Variants in GLCCI1 observed in about 807,000 individuals in gnomAD.
The protein encoded by GLCCI1 is glucocorticoid-induced transcript 1 protein.
Under a neutral mutation model 52.2 loss-of-function variants are expected in GLCCI1, and 24 were observed. That is an observed-to-expected ratio of 0.46 (90% CI 0.33 to 0.65). The LOEUF (loss-of-function observed/expected upper bound fraction) is 0.65, where lower values mean the gene tolerates loss of function less well. Ranked by LOEUF, GLCCI1 falls within the 30% of genes least tolerant of loss-of-function variation. The pLI is 0.02. For synonymous variants in GLCCI1, 310 were observed against 276.5 expected (o/e 1.12, Z -1.20); for missense variants, 704 against 701.5 (o/e 1.00, Z -0.04).
In GLCCI1 at chr7:8,086,121, C is replaced by T; in HGVS notation, c.1299-72C>T. 3 of 1,293,390 alleles carry T rather than the reference C, an allele frequency of 2.3e-6. No individual in the cohort carries two copies. The highest frequency in any genetic ancestry group is 2.1e-6 in the Non-Finnish European group (2 of 931,706). 80.1% of individuals were successfully genotyped at this position (1,293,390 alleles called of 1,614,324 possible). ...ACATTTTAGCTGTTTTAGAGAACTCCAGTTAATTCAGAAAATGCTTAACTT... is the reference window on the plus strand; with the variant it reads ...ACATTTTAGCTGTTTTAGAGAACTCTAGTTAATTCAGAAAATGCTTAACTT... On this transcript the variant is annotated intron_variant, in intron 7 of 7. Transcript: ENST00000223145. This position sits in a 1 kb window ranked among gnomAD's most constrained non-coding sequence, Gnocchi z 4.4.
intron 3 of GLCCI1, among the ~76,000 whole-genome samples, chr7:8,031,019 C>T (rs1583985622): frequency 6.6e-6 from 1 of 152,014 alleles, no homozygotes; most frequent in Non-Finnish European, 1.5e-5. Flanking sequence ...CCATATGATC[C>T]AGCAATCCTA....
intron 1 of GLCCI1, among the ~76,000 whole-genome samples, chr7:7,986,580 A>G (rs1780737803): frequency 6.6e-6 from 1 of 152,236 alleles, no homozygotes; most frequent in African/African-American, 2.4e-5. Flanking sequence ...TACTGAGAAT[A>G]AAACTAATAA....
chr7:7,988,465 A>G (rs187364199), intron 1 of GLCCI1, among the ~76,000 whole-genome samples: 91 of 152,286 alleles, frequency 6.0e-4, no homozygotes, highest in African/African-American at 2.1e-3. Context: ...AGCCTATTCA[A>G]AGAGGTCACA....
chr7:8,082,813 G>A (rs1213842819), intron 6 of GLCCI1, among the ~76,000 whole-genome samples: 1 of 152,180 alleles, frequency 6.6e-6, no homozygotes, highest in East Asian at 1.9e-4. Context: ...AATCAGTTTT[G>A]CAGATAGATT....
At chr7:8,078,818 C>G (rs1426098412) in intron 6 of GLCCI1, 2 of 152,064 alleles carry the variant, frequency 1.3e-5, no homozygotes, top group African/African-American at 2.4e-5. Context: ...GATGTGGAAA[C>G]GATTACCATC....
chr7:8,056,337 T>C (rs772838771), intron 4 of GLCCI1, among the ~76,000 whole-genome samples: 38 of 152,096 alleles, frequency 2.5e-4, no homozygotes, highest in Non-Finnish European at 4.9e-4. Context: ...AAACAGAGGA[T>C]GGTGGTGTCA....
chr7:8,039,717 C>T (rs1781953531), intron 3 of GLCCI1, among the ~76,000 whole-genome samples: 1 of 152,184 alleles, frequency 6.6e-6, no homozygotes, highest in Non-Finnish European at 1.5e-5. Flanking sequence ...CAGACTTCAG[C>T]CGGGCGCAGT....
At chr7:8,024,540 G>A (rs184997196) in intron 3 of GLCCI1, among the ~76,000 whole-genome samples, 3 of 152,206 alleles carry the variant, frequency 2.0e-5, no homozygotes, top group South Asian at 2.1e-4. Flanking sequence ...ATTTGAATCC[G>A]TAGGAAGAAT....
chr7:8,059,246 AT>A (rs1782464538), intron 4 of GLCCI1, among the ~76,000 whole-genome samples: 1 of 152,210 alleles, frequency 6.6e-6, no homozygotes, highest in South Asian at 2.1e-4. Context: ...TCATGCATCA[AT>A]AAGAGACAAA....
At chr7:8,036,182 T>C (rs1319466840) in intron 3 of GLCCI1, among the ~76,000 whole-genome samples, 1 of 152,174 alleles carries the variant, frequency 6.6e-6, no homozygotes, top group Admixed American at 6.5e-5. Context: ...GGGAATGAGA[T>C]AAACTTCCTG....
At chr7:7,979,666 G>A (rs1180900060) in intron 1 of GLCCI1, among the ~76,000 whole-genome samples, 2 of 152,136 alleles carry the variant, frequency 1.3e-5, no homozygotes, top group Non-Finnish European at 2.9e-5. Context: ...ATACATTAGT[G>A]CAGAAGTCTG....
At chr7:8,063,161 G>A (rs967048026) in intron 5 of GLCCI1, among the ~76,000 whole-genome samples, 32 of 151,832 alleles carry the variant, frequency 2.1e-4, no homozygotes, top group Non-Finnish European at 3.4e-4. Flanking sequence ...TTTTGTTAAC[G>A]GAGTCTCGCT....
chr7:7,984,964 A>T (rs888249236), intron 1 of GLCCI1, among the ~76,000 whole-genome samples: 11 of 152,326 alleles, frequency 7.2e-5, no homozygotes, highest in African/African-American at 1.2e-4. Context: ...GTCCTTATTT[A>T]AAAAAGTATT....
At chr7:8,085,753 A>AC (rs1472149731) in intron 7 of GLCCI1, among the ~76,000 whole-genome samples, 7 of 151,762 alleles carry the variant, frequency 4.6e-5, no homozygotes, top group African/African-American at 1.5e-4. Context: ...TCCCCACTCC[A>AC]CCCCCCATCT....
At chr7:8,029,376 A>G (rs1423958126) in intron 3 of GLCCI1, among the ~76,000 whole-genome samples, 5 of 152,186 alleles carry the variant, frequency 3.3e-5, no homozygotes, top group Non-Finnish European at 7.4e-5. Context: ...TGCTGAAAAA[A>G]CATTTGATAA....
chr7:8,065,671 C>T (rs767615332), intron 5 of GLCCI1, among the ~76,000 whole-genome samples: 13 of 151,900 alleles, frequency 8.6e-5, no homozygotes, highest in Admixed American at 6.6e-4. Flanking sequence ...ATGTGGTTTC[C>T]GTTTTTAGTT....
intron 3 of GLCCI1, among the ~76,000 whole-genome samples, chr7:8,031,642 A>G (rs151287142): frequency 1.6e-4 from 24 of 152,272 alleles, no homozygotes; most frequent in African/African-American, 5.3e-4. Flanking sequence ...GCCTGTGCCA[A>G]AATATCTCAT....
intron 3 of GLCCI1, among the ~76,000 whole-genome samples, chr7:8,045,362 AG>A (rs1358598961): frequency 6.6e-6 from 1 of 152,212 alleles, no homozygotes; most frequent in East Asian, 1.9e-4. Context: ...CAGAGTACCC[AG>A]AAAAAAGCCA....
At chr7:8,014,130 C>T (rs1372071037) in intron 2 of GLCCI1, among the ~76,000 whole-genome samples, 4 of 152,058 alleles carry the variant, frequency 2.6e-5, no homozygotes, top group African/African-American at 9.7e-5. Flanking sequence ...GCTGGAATTA[C>T]AGGCGCCCGC....
Sources: gnomAD v4.1 joint callset for allele counts (sites outside exome capture counted in the v4.1 genomes callset) on GRCh38, gnomAD v4.1.1 for gene constraint, Gnocchi (gnomAD v3.1) non-coding constraint, MANE v1.5 for transcripts, NCBI Gene and HGNC (gene_info 2026-07-23, HGNC 2026-07-21) for gene names.